Variants in LY86 observed in about 807,000 individuals in gnomAD.
The protein encoded by LY86 is lymphocyte antigen 86, also known as MD-1, RP105-associated.
LY86 carries 20 observed loss-of-function variants against 17.3 expected under a neutral mutation model. That is an observed-to-expected ratio of 1.15 (90% CI 0.81 to 1.68). LY86 has a LOEUF of 1.68. Among genes scored for constraint, LY86 ranks in the 40% most tolerant of loss-of-function variants. The pLI is 0.00. For missense variants in LY86, 200 were observed against 191.9 expected (o/e 1.04, Z -0.25); for synonymous variants, 74 against 70.6 (o/e 1.05, Z -0.24).
intron 1 of LY86, among the ~76,000 whole-genome samples, chr6:6,612,664 G>C (rs1761414229): frequency 6.6e-6 from 1 of 152,214 alleles, no homozygotes; most frequent in Admixed American, 6.5e-5. Context: ...GTCTTACAGA[G>C]AGCTGATTGG....
chr6:6,618,411 AG>A (rs1188881984), intron 1 of LY86, among the ~76,000 whole-genome samples: 18 of 147,084 alleles, frequency 1.2e-4, no homozygotes, highest in Admixed American at 1.1e-3. Context: ...GTCAATAAAA[AG>A]GCTTATTATG....
At chr6:6,631,328 G>A (rs916860447) in intron 3 of LY86, among the ~76,000 whole-genome samples, 2 of 152,214 alleles carry the variant, frequency 1.3e-5, no homozygotes, top group Admixed American at 1.3e-4. Context: ...AGCCAGCGGG[G>A]GGTGGAACTG....
intron 3 of LY86, among the ~76,000 whole-genome samples, chr6:6,645,772 G>A (rs992442602): frequency 1.6e-4 from 24 of 151,398 alleles, no homozygotes; most frequent in African/African-American, 5.8e-4. Context: ...CATGCCCGTA[G>A]CAGCCACATC....
At chr6:6,611,830 GC>G (rs1761346300) in intron 1 of LY86, among the ~76,000 whole-genome samples, 1 of 152,142 alleles carries the variant, frequency 6.6e-6, no homozygotes. Flanking sequence ...AAATAGCAGG[GC>G]TTTTGTCTCT....
At chr6:6,630,630 A>G (rs1229755555) in intron 3 of LY86, among the ~76,000 whole-genome samples, 1 of 152,236 alleles carries the variant, frequency 6.6e-6, no homozygotes, top group Non-Finnish European at 1.5e-5. Flanking sequence ...AACTCCCTCA[A>G]TCCTCAAGAA....
In LY86 at chr6:6,654,833, T is replaced by G. The variant is rs1762237344; in HGVS notation, c.*206T>G. The stretch of plus-strand genomic sequence containing the variant: ...ATGTAATGAAGTCCCCGAATGTATC[T>G]GTTTCTAAGGAGCCTCTTGGCAGTC... On this transcript the variant is annotated 3_prime_UTR_variant, in exon 5 of 5. Transcript: ENST00000230568. The G allele has an allele frequency of 3.6e-6, 2 of 563,256 alleles. No homozygotes were observed. 34.9% of individuals were successfully genotyped at this position (563,256 alleles called of 1,614,324 possible).
At chr6:6,613,494 C>T (rs1761456714) in intron 1 of LY86, among the ~76,000 whole-genome samples, 1 of 152,180 alleles carries the variant, frequency 6.6e-6, no homozygotes, top group African/African-American at 2.4e-5. Context: ...GGCCCAGGTG[C>T]TAAGCTCCTC....
chr6:6,603,547 AATG>A (rs1181846306), intron 1 of LY86, among the ~76,000 whole-genome samples: 9 of 150,632 alleles, frequency 6.0e-5, no homozygotes, highest in East Asian at 5.8e-4. Context: ...ACAACAACAA[AATG>A]ATGAGGTCTC....
At chr6:6,626,843 C>T (rs1439240139) in intron 3 of LY86, among the ~76,000 whole-genome samples, 3 of 151,968 alleles carry the variant, frequency 2.0e-5, no homozygotes, top group African/African-American at 4.8e-5. Context: ...AAAAATGAAG[C>T]TTATGATATG....
intron 1 of LY86, among the ~76,000 whole-genome samples, chr6:6,619,146 A>C (rs977644120): frequency 6.6e-6 from 1 of 152,236 alleles, no homozygotes; most frequent in Non-Finnish European, 1.5e-5. Flanking sequence ...AAGTACAGCC[A>C]TGAAAGAAGA....
At chr6:6,625,754 T>C (rs1035593055) in intron 2 of LY86, among the ~76,000 whole-genome samples, 4 of 151,924 alleles carry the variant, frequency 2.6e-5, no homozygotes, top group African/African-American at 7.3e-5. Flanking sequence ...GCTGGAGAAA[T>C]GTTATGGGGA....
chr6:6,601,829 G>A (rs1312220610), intron 1 of LY86, among the ~76,000 whole-genome samples: 1 of 152,176 alleles, frequency 6.6e-6, no homozygotes, highest in Non-Finnish European at 1.5e-5. Flanking sequence ...TTGCCATGTG[G>A]GAATGCAGTA....
intron 1 of LY86, among the ~76,000 whole-genome samples, chr6:6,600,488 G>A (rs906106938): frequency 2.0e-5 from 3 of 149,772 alleles, no homozygotes; most frequent in African/African-American, 7.4e-5. Context: ...CTACTCAGAG[G>A]CTGAGGCAGG....
intron 1 of LY86, among the ~76,000 whole-genome samples, chr6:6,601,066 G>A (rs1325738778): frequency 2.0e-5 from 3 of 152,262 alleles, no homozygotes; most frequent in South Asian, 2.1e-4. Flanking sequence ...TTCAAGCAGC[G>A]GCTGATCAGA....
chr6:6,605,836 G>A (rs1561779698), intron 1 of LY86, among the ~76,000 whole-genome samples: 2 of 152,056 alleles, frequency 1.3e-5, no homozygotes, highest in Non-Finnish European at 2.9e-5. Flanking sequence ...CTTTCCCGGT[G>A]AATGTTACAG....
At position 6,654,864 on chromosome 6, in the gene LY86, G is replaced by A; in HGVS notation, c.*237G>A. ...TAAGGAGCCTCTTGGCAGTCCTTAA[G>A]CAGTCTTGAGGGTCCATCCTTTTTC... On this transcript the variant is annotated 3_prime_UTR_variant, in exon 5 of 5. Transcript: ENST00000230568. 2.0e-6 allele frequency: 1 copy of A among 511,264 alleles called. No homozygotes were observed. Among genetic ancestry groups the A allele is most frequent in the Non-Finnish European group, 3.5e-6 (1 of 288,896 alleles). 31.7% of individuals were successfully genotyped at this position (511,264 alleles called of 1,614,324 possible).
intron 1 of LY86, among the ~76,000 whole-genome samples, chr6:6,611,858 C>T (rs958935406): frequency 1.3e-5 from 2 of 152,064 alleles, no homozygotes; most frequent in Non-Finnish European, 2.9e-5. Flanking sequence ...AATCTAGCAT[C>T]TCTCCTTCCA....
intron 2 of LY86, among the ~76,000 whole-genome samples, 198 bp downstream of exon 2, chr6:6,625,210 A>T (rs1343750353): frequency 6.6e-6 from 1 of 152,084 alleles, no homozygotes; most frequent in Admixed American, 6.5e-5. Flanking sequence ...CTCTCACTTA[A>T]AGCTGTACTT....
At chr6:6,634,928 G>A (rs73367196) in intron 3 of LY86, among the ~76,000 whole-genome samples, 3,869 of 152,254 alleles carry the variant, frequency 0.025, 155 homozygotes, top group African/African-American at 0.089. Context: ...TACCCTCTGC[G>A]CTGCTGGAGT....
Sources: gnomAD v4.1 joint callset for allele counts (sites outside exome capture counted in the v4.1 genomes callset) on GRCh38, gnomAD v4.1.1 for gene constraint, MANE v1.5 for transcripts, NCBI Gene and HGNC (gene_info 2026-07-23, HGNC 2026-07-21) for gene names.